TAFA1: variants seen among roughly 807,000 people sequenced by gnomAD.
The protein encoded by TAFA1 is chemokine-like protein TAFA-1.
Under a neutral mutation model 18.5 loss-of-function variants are expected in TAFA1, and 4 were observed. The observed-to-expected ratio is 0.22, with a 90% CI of 0.11 to 0.49. The LOEUF (loss-of-function observed/expected upper bound fraction) is 0.49, where lower values mean the gene tolerates loss of function less well. Among genes scored for constraint, TAFA1 ranks in the 20% least tolerant of loss-of-function variants. The pLI, the probability that TAFA1 is intolerant of heterozygous loss-of-function variation, is 0.98. For missense variants in TAFA1, 147 were observed against 169.0 expected, an observed-to-expected ratio of 0.87 and a Z score of 0.72; for synonymous variants, 56 against 55.2, an observed-to-expected ratio of 1.01 and a Z score of -0.06.
chr3:68,183,283 T>C (rs1402603653), intron 2 of TAFA1, among the ~76,000 whole-genome samples: 3 of 152,172 alleles, frequency 2.0e-5, no homozygotes, highest in African/African-American at 7.2e-5. Context: ...CTTCATTAAG[T>C]GATAATATAA....
chr3:68,225,729 G>A (rs1484302809), intron 2 of TAFA1, among the ~76,000 whole-genome samples: 1 of 152,050 alleles, frequency 6.6e-6, no homozygotes, highest in African/African-American at 2.4e-5. Context: ...ACTTCTCTAA[G>A]CTTGAATTTC....
At chr3:68,343,578 G>A (rs187073847) in intron 2 of TAFA1, among the ~76,000 whole-genome samples, 2 of 152,244 alleles carry the variant, frequency 1.3e-5, no homozygotes, top group East Asian at 1.9e-4. Flanking sequence ...ATCTCACAGA[G>A]GTTTGCAGGA....
At chr3:68,392,161 G>A (rs200286333) in intron 2 of TAFA1, among the ~76,000 whole-genome samples, 6 of 112,480 alleles carry the variant, frequency 5.3e-5, no homozygotes, top group East Asian at 5.4e-4. Context: ...AGGGAGGGAG[G>A]AATATTTAGG....
chr3:68,168,391 C>T (rs935581518), intron 2 of TAFA1, among the ~76,000 whole-genome samples: 1 of 152,148 alleles, frequency 6.6e-6, no homozygotes, highest in African/African-American at 2.4e-5. Flanking sequence ...TATTTAGTAA[C>T]CACACGTTAA....
chr3:68,387,019 A>G (rs2070119391), intron 2 of TAFA1, among the ~76,000 whole-genome samples: 1 of 152,184 alleles, frequency 6.6e-6, no homozygotes, highest in East Asian at 1.9e-4. Flanking sequence ...TTTTCTTTAT[A>G]AAGTTCAAAA....
chr3:68,173,193 G>T (rs1434356686), intron 2 of TAFA1, among the ~76,000 whole-genome samples: 1 of 151,762 alleles, frequency 6.6e-6, no homozygotes, highest in Non-Finnish European at 1.5e-5. Flanking sequence ...AAAAATCAAA[G>T]AAAACACAAG....
At chr3:68,347,904 T>C (rs1183720943) in intron 2 of TAFA1, among the ~76,000 whole-genome samples, 1 of 152,180 alleles carries the variant, frequency 6.6e-6, no homozygotes, top group Non-Finnish European at 1.5e-5. Context: ...CTGGATTCTT[T>C]ATCTCTCTCC....
intron 2 of TAFA1, among the ~76,000 whole-genome samples, chr3:68,355,635 G>A (rs1282395916): frequency 1.3e-5 from 2 of 151,914 alleles, no homozygotes; most frequent in Non-Finnish European, 2.9e-5. Flanking sequence ...TCATAATTGT[G>A]AACATGGTAA....
At chr3:68,297,437 G>A (rs2068228199) in intron 2 of TAFA1, among the ~76,000 whole-genome samples, 1 of 152,126 alleles carries the variant, frequency 6.6e-6, no homozygotes, top group Non-Finnish European at 1.5e-5. Context: ...CAAATTTGAT[G>A]ACAGAGACAC....
rs1353653208 is a variant in TAFA1, at chr3:68,224,972, G to C, written c.119-192308G>C. Among the ~76,000 whole-genome samples, 7 of 133,610 alleles carry C rather than the reference G, an allele frequency of 5.2e-5. No individual in the cohort carries two copies. The East Asian group carries it at 1.6e-3, about 30-fold the overall frequency. 87.7% of individuals were successfully genotyped at this position (133,610 alleles called of 152,430 possible). On this transcript the variant is annotated intron_variant, in intron 2 of 4. Coordinates refer to ENST00000478136, the MANE Select transcript of TAFA1 (RefSeq NM_213609.4). ...CACCTAGGCTGGAGTACAGTGGTGG[G>C]ATCTCAGCTCACTGCAACCTCTGCC...
chr3:68,303,738 C>T (rs769510557), intron 2 of TAFA1, among the ~76,000 whole-genome samples: 7 of 152,062 alleles, frequency 4.6e-5, no homozygotes, highest in Non-Finnish European at 7.4e-5. Context: ...CGTGAACCAC[C>T]GTGCCCGGCC....
intron 2 of TAFA1, among the ~76,000 whole-genome samples, chr3:68,210,270 C>G (rs774977716): frequency 6.6e-6 from 1 of 151,942 alleles, no homozygotes; most frequent in Non-Finnish European, 1.5e-5. Flanking sequence ...TGTCTGAAGG[C>G]CTGGATTTTA....
At chr3:68,439,946 A>T (rs7646334) in intron 3 of TAFA1, among the ~76,000 whole-genome samples, 18,720 of 152,148 alleles carry the variant, frequency 0.12, 1,581 homozygotes, top group East Asian at 0.34. Context: ...CTTCCTTTGA[A>T]CAACTGGAAC....
chr3:68,417,212 A>T lies in TAFA1; in HGVS notation c.119-68A>T, dbSNP rs181268051. 4.6e-5 allele frequency: 63 copies of T among 1,378,850 alleles called. No individual in the cohort carries two copies. The East Asian group carries it at 1.2e-3, about 26-fold the overall frequency. The allele number at this position is 1,378,850 out of a possible 1,614,324, so 85.4% of individuals were successfully genotyped here. Reference sequence around the variant, plus strand: ...TACTTTCCTCAACCCCGCTACATGCACTCCCAGGGGCTCGAATAGTCACTG... The same window carrying T: ...TACTTTCCTCAACCCCGCTACATGCTCTCCCAGGGGCTCGAATAGTCACTG... On this transcript the variant is annotated intron_variant, in intron 2 of 4. Transcript: ENST00000478136.
chr3:68,234,527 C>T (rs945334002), intron 2 of TAFA1, among the ~76,000 whole-genome samples: 3 of 152,132 alleles, frequency 2.0e-5, no homozygotes, highest in Admixed American at 6.6e-5. Context: ...TAAAAAAGCA[C>T]CAGTTCATCC....
intron 2 of TAFA1, among the ~76,000 whole-genome samples, chr3:68,352,921 A>G (rs2069295583): frequency 6.6e-6 from 1 of 152,038 alleles, no homozygotes; most frequent in Non-Finnish European, 1.5e-5. Flanking sequence ...CCCAGGGTAT[A>G]GGGCTGCCTT....
At chr3:68,288,644 T>C (rs1390233045) in intron 2 of TAFA1, among the ~76,000 whole-genome samples, 3 of 152,208 alleles carry the variant, frequency 2.0e-5, no homozygotes, top group Non-Finnish European at 4.4e-5. Flanking sequence ...CCAAATTAAA[T>C]ATCATACTTA....
rs141347781 is a variant in TAFA1 at position 68,535,681 on chromosome 3, G to A, written c.260-3075G>A. On this transcript the variant is annotated intron_variant, in intron 3 of 4. Transcript: ENST00000478136. ...ACTTTGCATATAGAATCCTACTGTC[G>A]ACCTAAAGGGAAGAGCCTGAAGCAC... Among the ~76,000 whole-genome samples the A allele has an allele frequency of 6.8e-4, 104 of 152,182 alleles. 1 individual carries two copies. The highest frequency in any genetic ancestry group is 2.1e-3 in the African/African-American group (89 of 41,536).
chr3:68,073,442 C>T (rs2064782119), intron 2 of TAFA1, among the ~76,000 whole-genome samples: 1 of 152,148 alleles, frequency 6.6e-6, no homozygotes, highest in African/African-American at 2.4e-5. Context: ...ACAAATATGT[C>T]CCCCACCTCC....
Sources: allele counts gnomAD v4.1 joint callset (sites outside exome capture counted in the v4.1 genomes callset), GRCh38; gene constraint gnomAD v4.1.1; transcripts MANE v1.5; gene names NCBI Gene and HGNC (gene_info 2026-07-23, HGNC 2026-07-21).